LRRFIP2: variants seen among roughly 807,000 people sequenced by gnomAD.
LRRFIP2 encodes the protein LRR binding FLII interacting protein 2, also known as leucine-rich repeat flightless-interacting protein 2.
LRRFIP2 carries 109 observed loss-of-function variants against 125.9 expected under a neutral mutation model. The observed-to-expected ratio is 0.87, with a 90% CI of 0.74 to 1.01. The LOEUF is 1.01. Ranked by LOEUF, LRRFIP2 falls within the 50% of genes least tolerant of loss-of-function variation. LRRFIP2 has a pLI of 0.00. For synonymous variants in LRRFIP2, 291 were observed against 293.1 expected, an observed-to-expected ratio of 0.99 and a Z score of 0.07; for missense variants, 850 against 862.3, an observed-to-expected ratio of 0.99 and a Z score of 0.18.
chr3:37,056,810 A>G (rs1461760203), intron 25 of LRRFIP2, among the ~76,000 whole-genome samples: 2 of 152,182 alleles, frequency 1.3e-5, no homozygotes, highest in African/African-American at 4.8e-5. Flanking sequence ...GTGAAAGAGA[A>G]GTATTCCTAT....
At chr3:37,135,520 T>C (rs961769706) in intron 2 of LRRFIP2, among the ~76,000 whole-genome samples, 10 of 152,100 alleles carry the variant, frequency 6.6e-5, no homozygotes, top group Non-Finnish European at 1.5e-4. Context: ...TTTATGTATT[T>C]CTACATTAGA....
intron 6 of LRRFIP2, among the ~76,000 whole-genome samples, chr3:37,115,905 T>A (rs1249797002): frequency 6.6e-6 from 1 of 152,232 alleles, no homozygotes; most frequent in Non-Finnish European, 1.5e-5. Context: ...TTTATATTTT[T>A]AAGCTGTCTA....
chr3:37,146,626 C>G (rs752310435), intron 2 of LRRFIP2, among the ~76,000 whole-genome samples: 9 of 152,164 alleles, frequency 5.9e-5, no homozygotes, highest in Non-Finnish European at 1.2e-4. Flanking sequence ...CCATCCATGT[C>G]CCTGCAAAGG....
intron 2 of LRRFIP2, chr3:37,134,733 G>C: frequency 2.6e-6 from 2 of 781,194 alleles, no homozygotes; most frequent in Non-Finnish European, 4.6e-6. Flanking sequence ...TGCAGGTCCA[G>C]TTGAGGATGG....
intron 23 of LRRFIP2, 167 bp downstream of exon 23, chr3:37,065,643 C>G: frequency 2.4e-6 from 2 of 831,366 alleles, no homozygotes; most frequent in Non-Finnish European, 4.0e-6. Context: ...TTCCCAAGGT[C>G]AAGGATGTCT....
intron 1 of LRRFIP2, among the ~76,000 whole-genome samples, chr3:37,150,012 AAAAC>A (rs770165962): frequency 2.8e-4 from 43 of 151,872 alleles, no homozygotes; most frequent in Non-Finnish European, 3.8e-4. Context: ...AAAAAAAACA[AAAAC>A]AAACAGACAA....
chr3:37,116,299 ATT>A (rs35875604), intron 6 of LRRFIP2, among the ~76,000 whole-genome samples: 11 of 147,324 alleles, frequency 7.5e-5, no homozygotes, highest in Admixed American at 6.7e-5. Flanking sequence ...TACTTACCTA[ATT>A]TTTTTTTTTT....
chr3:37,108,268 AC>A, intron 12 of LRRFIP2, 139 bp from the exon 13 acceptor site: 2 of 663,730 alleles, frequency 3.0e-6, no homozygotes, highest in Non-Finnish European at 5.2e-6. Context: ...GTAGAACTCT[AC>A]CTCATCCCCA....
intron 23 of LRRFIP2, chr3:37,065,102 A>G (rs1392834683): frequency 1.3e-5 from 2 of 151,058 alleles, no homozygotes; most frequent in African/African-American, 4.9e-5. Context: ...GAAAAACAAA[A>G]AAATTGTTTT....
chr3:37,164,845 C>G (rs937423896), intron 1 of LRRFIP2, among the ~76,000 whole-genome samples: 1 of 152,166 alleles, frequency 6.6e-6, no homozygotes, highest in Non-Finnish European at 1.5e-5. Flanking sequence ...ATTACTTCCC[C>G]CATGAATGTA....
rs1224097747 is a variant in LRRFIP2 at position 37,060,485 on chromosome 3, A to G, written c.1750-1575T>C. ...CACCACGTCCAATTTTTGTATTTTT[A>G]GTAGATGGGGTTTCGTCATGTTGGC... On this transcript the variant is annotated intron_variant, in intron 24 of 27. Coordinates refer to ENST00000336686, the MANE Select transcript of LRRFIP2 (RefSeq NM_006309.4). This position sits in a 1 kb window ranked among gnomAD's most constrained non-coding sequence, Gnocchi z 4.1. Among the ~76,000 whole-genome samples the G allele has an allele frequency of 6.6e-6, 1 of 151,760 alleles. No homozygotes were observed. Among genetic ancestry groups the G allele is most frequent in the Non-Finnish European group, 1.5e-5 (1 of 67,946 alleles).
At chr3:37,159,762 C>T (rs1473707296) in intron 1 of LRRFIP2, among the ~76,000 whole-genome samples, 5 of 151,360 alleles carry the variant, frequency 3.3e-5, no homozygotes, top group Admixed American at 1.3e-4. Flanking sequence ...CTGCCTCCAC[C>T]TCCCAAAGTG....
At chr3:37,116,574 T>G (rs1169648635) in intron 6 of LRRFIP2, among the ~76,000 whole-genome samples, 1 of 152,224 alleles carries the variant, frequency 6.6e-6, no homozygotes, top group Non-Finnish European at 1.5e-5. Flanking sequence ...CAAATCCACA[T>G]GCATGAATCT....
chr3:37,110,746 T>A (rs1257582213), intron 9 of LRRFIP2, among the ~76,000 whole-genome samples: 1 of 152,082 alleles, frequency 6.6e-6, no homozygotes, highest in Non-Finnish European at 1.5e-5. Flanking sequence ...TCCTTGAACT[T>A]TTTTTGTACA....
At chr3:37,124,871 C>T (rs1209427371) in intron 4 of LRRFIP2, among the ~76,000 whole-genome samples, 1 of 152,134 alleles carries the variant, frequency 6.6e-6, no homozygotes, top group Non-Finnish European at 1.5e-5. Context: ...ATAGGTTTCT[C>T]TTGAAGAAAT....
chr3:37,084,048 A>G (rs961233507), intron 18 of LRRFIP2, among the ~76,000 whole-genome samples: 9 of 152,220 alleles, frequency 5.9e-5, no homozygotes, highest in African/African-American at 1.4e-4. Flanking sequence ...TTAAGCAGCA[A>G]CATAGCCTCT....
chr3:37,071,281 G>A lies in LRRFIP2; in HGVS notation c.1464+1509C>T, dbSNP rs556672168. Among the ~76,000 whole-genome samples, 40 of 152,282 alleles carry A rather than the reference G, an allele frequency of 2.6e-4. No individual in the cohort carries two copies. The South Asian group carries it at 2.7e-3, about 10-fold the overall frequency. On this transcript the variant is annotated intron_variant, in intron 21 of 27. Coordinates refer to ENST00000336686, the MANE Select transcript of LRRFIP2 (RefSeq NM_006309.4). Reference sequence around the variant, plus strand: ...TGCTTAGGCTGGAGTGCCATGGCACGATCATAGCTCACTGCAGCCTCCATC... The same window carrying A: ...TGCTTAGGCTGGAGTGCCATGGCACAATCATAGCTCACTGCAGCCTCCATC...
intron 7 of LRRFIP2, among the ~76,000 whole-genome samples, chr3:37,113,807 C>G (rs185961553): frequency 4.4e-4 from 67 of 152,206 alleles, no homozygotes; most frequent in Non-Finnish European, 8.5e-4. Context: ...GTATGGATTG[C>G]CCAGCATACC....
At position 37,066,298 on chromosome 3, in the gene LRRFIP2, C is replaced by T; in HGVS notation, c.1492G>A (p.Ala498Thr). 1 of 1,614,098 alleles carries T rather than the reference C, an allele frequency of 6.2e-7. No individual in the cohort carries two copies. ...ATATCTCGCTCATTCCTAAGGCAGG[C>T]AATGTATTCTTTCTGTTTCTCTAGG... Reference protein sequence around the residue: ...GALEKQKEYIACLRNERDMLR... With the variant: ...GALEKQKEYITCLRNERDMLR... The change falls in exon 22 of 28, where the codon GCC becomes ACC. Residue 498 changes from alanine to threonine, a missense_variant. Physicochemically the swap from Ala to Thr is moderately conservative, Grantham distance 58. Coordinates refer to ENST00000336686, the MANE Select transcript of LRRFIP2 (RefSeq NM_006309.4).
Sources: gnomAD v4.1 joint callset for allele counts (sites outside exome capture counted in the v4.1 genomes callset) on GRCh38, gnomAD v4.1.1 for gene constraint, Gnocchi (gnomAD v3.1) non-coding constraint, MANE v1.5 for transcripts, NCBI Gene and HGNC (gene_info 2026-07-23, HGNC 2026-07-21) for gene names.